The following SGTB variants were observed in gnomAD, a reference collection of about 807,000 sequenced individuals.
SGTB encodes small glutamine rich tetratricopeptide repeat co-chaperone beta, also known as small glutamine-rich tetratricopeptide repeat-containing protein beta.
SGTB carries 19 observed loss-of-function variants against 43.9 expected under a neutral mutation model. That is an observed-to-expected ratio of 0.43 (90% confidence interval 0.30 to 0.63). The LOEUF is 0.63. Among genes scored for constraint, SGTB ranks in the 30% least tolerant of loss-of-function variants. SGTB has a pLI of 0.12. For missense variants in SGTB, 304 were observed against 358.9 expected (o/e 0.85, Z 1.24); for synonymous variants, 116 against 117.3 (o/e 0.99, Z 0.07).
intron 8 of SGTB, among the ~76,000 whole-genome samples, chr5:65,674,876 A>T (rs1033835123): frequency 2.6e-5 from 4 of 152,204 alleles, no homozygotes; most frequent in African/African-American, 9.7e-5. Flanking sequence ...CTAGCATGGT[A>T]AGAAGGCTGA....
At chr5:65,691,666 C>T (rs1314229920) in intron 5 of SGTB, among the ~76,000 whole-genome samples, 1 of 149,776 alleles carries the variant, frequency 6.7e-6, no homozygotes, top group Non-Finnish European at 1.5e-5. Context: ...ACAGGCCGGG[C>T]GCAGTGCCTC....
intron 2 of SGTB, among the ~76,000 whole-genome samples, chr5:65,720,081 CTTTTTTTTT>C (rs11312137): frequency 6.9e-4 from 86 of 124,974 alleles, no homozygotes; most frequent in African/African-American, 2.4e-3. Context: ...TTTTCTTTTT[CTTTTTTTTT>C]TTTTTTTTTT....
intron 6 of SGTB, among the ~76,000 whole-genome samples, chr5:65,683,043 T>C (rs1253108146): frequency 2.6e-5 from 4 of 152,022 alleles, no homozygotes; most frequent in Admixed American, 2.6e-4. Context: ...TCATTAGCAT[T>C]GAACTCATAG....
At chr5:65,687,599 C>G (rs1561156070) in intron 5 of SGTB, among the ~76,000 whole-genome samples, 2 of 152,136 alleles carry the variant, frequency 1.3e-5, no homozygotes, top group African/African-American at 4.8e-5. Flanking sequence ...AAGCTCTTGT[C>G]GACAGGTGAT....
At chr5:65,714,512 T>C (rs533595639) in intron 2 of SGTB, among the ~76,000 whole-genome samples, 94 of 152,304 alleles carry the variant, frequency 6.2e-4, no homozygotes, top group African/African-American at 1.7e-3. Flanking sequence ...TGAGGGATTA[T>C]GTTTGAAGTC....
intron 5 of SGTB, among the ~76,000 whole-genome samples, chr5:65,696,335 A>G (rs151281833): frequency 7.9e-5 from 12 of 152,336 alleles, no homozygotes; most frequent in African/African-American, 2.9e-4. Context: ...TGAGCTGACT[A>G]TGGGTAAAGT....
intron 8 of SGTB, among the ~76,000 whole-genome samples, chr5:65,679,115 C>G (rs1757340170): frequency 6.6e-6 from 1 of 152,076 alleles, no homozygotes; most frequent in Non-Finnish European, 1.5e-5. Context: ...GGTCTAATAT[C>G]CTACATCTAT....
rs189829635 is a variant in SGTB, at chr5:65,667,402, A to G, written c.*2844T>C. On this transcript the variant is annotated 3_prime_UTR_variant, in exon 11 of 11. Transcript: ENST00000381007. ...TCTTATTCAACACTGAATATGAGTG[A>G]CTAATTTTTAATTAAGGATCTATTT... The G allele has an allele frequency of 6.6e-6, 1 of 152,342 alleles. No homozygotes were observed. The highest frequency in any genetic ancestry group is 6.5e-5 in the Admixed American group (1 of 15,294). The allele number at this position is 152,342 out of a possible 1,614,324, so 9.4% of individuals were successfully genotyped here.
At chr5:65,681,837 T>G (rs1312058650) in intron 6 of SGTB, among the ~76,000 whole-genome samples, 1 of 151,960 alleles carries the variant, frequency 6.6e-6, no homozygotes, top group African/African-American at 2.4e-5. Flanking sequence ...TAGCCAAGCA[T>G]GGTGGCAGAC....
At chr5:65,677,842 C>T (rs556382833) in intron 8 of SGTB, among the ~76,000 whole-genome samples, 1 of 152,186 alleles carries the variant, frequency 6.6e-6, no homozygotes, top group East Asian at 1.9e-4. Flanking sequence ...GAACATACCT[C>T]AAAATAATAA....
chr5:65,717,226 G>A (rs1758169267), intron 2 of SGTB, among the ~76,000 whole-genome samples: 1 of 152,180 alleles, frequency 6.6e-6, no homozygotes, highest in African/African-American at 2.4e-5. Context: ...AAGAAGAATA[G>A]AAGGAGAGGA....
chr5:65,712,976 G>A lies in SGTB; in HGVS notation c.189C>T (p.Thr63=), dbSNP rs1049952108. Residue 63 remains threonine (T), a synonymous_variant, in exon 3 of 11, where the codon ACC becomes ACT. Coordinates refer to ENST00000381007, the MANE Select transcript of SGTB (RefSeq NM_019072.3). The stretch of plus-strand genomic sequence containing the variant: ...GACAACATACCTTACAGAAGGAACT[G>A]GTAAACATTTCTGTCAAAGGCTGTG... ...AVSQPLTEMF[T]SSFCKNDVLP... is the part of the protein sequence containing the mutation. The A allele has an allele frequency of 6.2e-7, 1 of 1,612,628 alleles. No homozygotes were observed. The highest frequency in any genetic ancestry group is 1.3e-5 in the African/African-American group (1 of 74,984).
intron 5 of SGTB, among the ~76,000 whole-genome samples, chr5:65,693,616 T>G (rs1313857419): frequency 1.3e-5 from 2 of 152,108 alleles, no homozygotes; most frequent in Non-Finnish European, 2.9e-5. Flanking sequence ...TTAGAAGTCA[T>G]CAGGTAGAGA....
intron 5 of SGTB, among the ~76,000 whole-genome samples, chr5:65,703,895 G>A (rs868606222): frequency 3.3e-5 from 5 of 151,596 alleles, no homozygotes; most frequent in Middle Eastern, 3.4e-3. Context: ...AAAATTAGCC[G>A]GGCGTGGTGA....
chr5:65,721,161 C>A lies in SGTB; in HGVS notation c.-22-332G>T, dbSNP rs1354201834. Among the ~76,000 whole-genome samples the A allele has an allele frequency of 1.3e-5, 2 of 152,196 alleles. 1 individual carries two copies. On this transcript the variant is annotated intron_variant, in intron 1 of 10. Transcript: ENST00000381007. ...CAGAAATCCCCTAAAGGCCTCAGTA[C>A]TAAGTTAAGAGGCATTTCATACTGC...
At chr5:65,672,218 G>A (rs758514751) in intron 9 of SGTB, 26 bp downstream of exon 9, 3 of 1,613,802 alleles carry the variant, frequency 1.9e-6, no homozygotes, top group East Asian at 4.5e-5. Flanking sequence ...TTGGGGAAGT[G>A]TAATAAGCTC....
At chr5:65,675,622 A>G (rs1033003014) in intron 8 of SGTB, among the ~76,000 whole-genome samples, 2 of 152,218 alleles carry the variant, frequency 1.3e-5, no homozygotes, top group Admixed American at 1.3e-4. Context: ...TACAAAGGGA[A>G]GCCCATCAGA....
intron 6 of SGTB, among the ~76,000 whole-genome samples, chr5:65,682,451 C>G (rs761557190): frequency 6.6e-6 from 1 of 152,104 alleles, no homozygotes; most frequent in East Asian, 1.9e-4. Context: ...GCAGGGAGAT[C>G]GGTTAGGAAG....
At position 65,680,532 on chromosome 5, in the gene SGTB, T is replaced by G; in HGVS notation, c.643A>C (p.Met215Leu). The change falls in exon 8 of 11, where the codon ATG becomes CTG. Residue 215 changes from methionine to leucine, a missense_variant. Transcript: ENST00000381007. ...SPTGTGLSFD[M>L]ASLINNPAFI... ...GCTGGATTATTTATCAAGCTAGCCATGTCAAAGCTCAGTCCAGTTCCTGTC... is the reference window on the plus strand; with the variant it reads ...GCTGGATTATTTATCAAGCTAGCCAGGTCAAAGCTCAGTCCAGTTCCTGTC... The G allele has an allele frequency of 1.9e-6, 3 of 1,614,170 alleles. No homozygotes were observed. Among genetic ancestry groups the G allele is most frequent in the Non-Finnish European group, 2.5e-6 (3 of 1,180,018 alleles).
Sources: allele counts gnomAD v4.1 joint callset (sites outside exome capture counted in the v4.1 genomes callset), GRCh38; gene constraint gnomAD v4.1.1; transcripts MANE v1.5; gene names NCBI Gene and HGNC (gene_info 2026-07-23, HGNC 2026-07-21).